Variants in MRO observed in about 807,000 individuals in gnomAD.
MRO encodes protein maestro.
In MRO, 28 loss-of-function variants were observed where a neutral mutation model predicts 31.0. That is an observed-to-expected ratio of 0.90 (90% CI 0.67 to 1.24). The LOEUF (loss-of-function observed/expected upper bound fraction) is 1.24, where lower values mean the gene tolerates loss of function less well. Ranked by LOEUF, MRO falls within the 50% of genes most tolerant of loss-of-function variation. The pLI is 0.00. For missense variants in MRO, 332 were observed against 289.2 expected, an observed-to-expected ratio of 1.15 and a Z score of -1.07; for synonymous variants, 108 against 108.4, an observed-to-expected ratio of 1.00 and a Z score of 0.02.
chr18:50,824,461 T>TTC (rs113158819), upstream of MRO, among the ~76,000 whole-genome samples: 17,632 of 147,698 alleles, frequency 0.12, 1,091 homozygotes, highest in South Asian at 0.15. Context: ...TTTTCTTTCT[T>TTC]TTTTTTTTTT....
chr18:50,799,905 T>TA lies in MRO; in HGVS notation c.693+130dup, dbSNP rs201495738. On this transcript the variant is annotated intron_variant, in intron 7 of 7. Coordinates refer to ENST00000398439, the MANE Select transcript of MRO (RefSeq NM_031939.6). The stretch of plus-strand genomic sequence containing the variant: ...GCTCTTCTCAGAAAAAAAGAAAAAA[T>TA]AAAAAAATAAACATAGTTGGCCTGA... 322 of 648,198 alleles carry TA rather than the reference T, an allele frequency of 5.0e-4. No homozygotes were observed. The East Asian group carries it at 8.1e-3, about 16-fold the overall frequency. 40.2% of individuals were successfully genotyped at this position (648,198 alleles called of 1,614,324 possible).
At chr18:50,803,913 G>A (rs564618745) in intron 5 of MRO, among the ~76,000 whole-genome samples, 2 of 152,376 alleles carry the variant, frequency 1.3e-5, no homozygotes, top group Admixed American at 6.5e-5. Context: ...ATAACTGGCA[G>A]GCTAACTTGT....
chr18:50,819,313 G>A (rs747793222), intron 2 of MRO: 71 of 503,524 alleles, frequency 1.4e-4, no homozygotes, highest in Admixed American at 2.5e-4. Context: ...CTGAGTCCCT[G>A]CCATTCTATT....
chr18:50,805,029 A>G, intron 5 of MRO, 125 bp downstream of exon 5: 1 of 669,274 alleles, frequency 1.5e-6, no homozygotes, highest in Non-Finnish European at 2.5e-6. Context: ...TGACCTCGTG[A>G]TCCCACCCGC....
At chr18:50,822,733 T>C (rs1286155937), upstream of MRO, among the ~76,000 whole-genome samples, 1 of 123,372 alleles carries the variant, frequency 8.1e-6, no homozygotes, top group African/African-American at 3.1e-5. Flanking sequence ...AAACTCTGTC[T>C]TGATTTTCAC....
chr18:50,801,398 CGT>C lies in MRO; in HGVS notation c.534_535del (p.Asp180PhefsTer39). 1 of 1,610,848 alleles carries C rather than the reference CGT, an allele frequency of 6.2e-7. No homozygotes were observed. The highest frequency in any genetic ancestry group is 8.5e-7 in the Non-Finnish European group (1 of 1,177,946). ...CTGTAAATGGATCAGGAGGGAATCT[CGT>C]GTCTGCTTAACCTGACTGGTGAAAA... On this transcript the variant is annotated frameshift_variant, in exon 6 of 8. Transcript: ENST00000398439. LOFTEE classifies it high-confidence loss of function.
At chr18:50,801,555 G>C (rs377285439) in intron 5 of MRO, 51 bp from the exon 6 acceptor site, 224 of 1,532,398 alleles carry the variant, frequency 1.5e-4, no homozygotes, top group Admixed American at 3.2e-4. Flanking sequence ...TTACCAAAAG[G>C]CAACTGCATC....
chr18:50,808,546 C>T (rs998274775), intron 3 of MRO, among the ~76,000 whole-genome samples: 3 of 150,892 alleles, frequency 2.0e-5, no homozygotes, highest in Non-Finnish European at 4.4e-5. Flanking sequence ...GCAGCCCCTA[C>T]TTCCTGGGCT....
chr18:50,806,744 A>C lies in MRO; in HGVS notation c.206T>G (p.Met69Arg), dbSNP rs146672790. ...DPSAKKRHMA[M>R]RNLGTMAYEA... ...ATAGGCCATGGTTCCCAAGTTTCTC[A>C]TTGCCATGTGACGCTTTTTAGCACT... The change falls in exon 4 of 8, where the codon ATG becomes AGG. Residue 69 changes from methionine to arginine, a missense_variant. Transcript: ENST00000398439. The C allele has an allele frequency of 1.2e-6, 2 of 1,614,020 alleles. No homozygotes were observed. The highest frequency in any genetic ancestry group is 1.7e-6 in the Non-Finnish European group (2 of 1,180,038).
chr18:50,800,968 GA>G (rs1913257308), intron 6 of MRO, among the ~76,000 whole-genome samples: 1 of 151,542 alleles, frequency 6.6e-6, no homozygotes, highest in Non-Finnish European at 1.5e-5. Context: ...GAAAAGAACA[GA>G]AAAGAAAAGA....
rs1294833629 is a variant in MRO at position 50,798,908 on chromosome 18, T to TA, written c.*428dup. ...AGCAAAGTATCAATAGCAAATACAC[T>TA]AAAAAAAAACAAAACAACAACAACA... On this transcript the variant is annotated 3_prime_UTR_variant, in exon 8 of 8. Coordinates refer to ENST00000398439, the MANE Select transcript of MRO (RefSeq NM_031939.6). 4.6e-4 allele frequency: 65 copies of TA among 139,806 alleles called. No homozygotes were observed. The highest frequency in any genetic ancestry group is 3.7e-3 in the Middle Eastern group (1 of 270). 8.7% of individuals were successfully genotyped at this position (139,806 alleles called of 1,614,324 possible). A position where few individuals can be genotyped will look rare whatever the true frequency, so the allele number is the denominator to read the frequency against.
chr18:50,806,904 T>C, intron 3 of MRO, 54 bp from the exon 4 acceptor site: 2 of 1,552,554 alleles, frequency 1.3e-6, no homozygotes, highest in South Asian at 2.3e-5. Context: ...GTCATACCAA[T>C]CCCAACCCCA....
chr18:50,810,362 C>T (rs1210433156), intron 2 of MRO, among the ~76,000 whole-genome samples: 1 of 152,154 alleles, frequency 6.6e-6, no homozygotes, highest in Non-Finnish European at 1.5e-5. Context: ...ATAATCTCCA[C>T]GATATACTGT....
At position 50,801,498 on chromosome 18, in the gene MRO, CGTT is replaced by C; in HGVS notation, c.433_435del (p.Asn145del). 1 of 1,591,176 alleles carries C rather than the reference CGTT, an allele frequency of 6.3e-7. No individual in the cohort carries two copies. The highest frequency in any genetic ancestry group is 2.2e-5 in the East Asian group (1 of 44,688). The stretch of plus-strand genomic sequence containing the variant: ...ACAAAGGCCGAGTATCTCAGACTGT[CGTT>C]CTCCTGCGGTCCCCATCAACAAAAC... On this transcript the variant is annotated inframe_deletion, in exon 6 of 8. Coordinates refer to ENST00000398439, the MANE Select transcript of MRO (RefSeq NM_031939.6).
intron 2 of MRO, among the ~76,000 whole-genome samples, chr18:50,812,138 G>T (rs1184226409): frequency 6.6e-6 from 1 of 152,106 alleles, no homozygotes; most frequent in Non-Finnish European, 1.5e-5. Context: ...ACGTATGAGG[G>T]TTCCAATTTC....
At chr18:50,806,970 C>A (rs1420911871) in intron 3 of MRO, 120 bp from the exon 4 acceptor site, 8 of 1,005,280 alleles carry the variant, frequency 8.0e-6, no homozygotes, top group Admixed American at 2.2e-5. Flanking sequence ...CCCCTTCTTT[C>A]TCCTACTAAA....
intron 2 of MRO, chr18:50,815,128 C>A: frequency 4.5e-6 from 1 of 220,234 alleles, no homozygotes; most frequent in Non-Finnish European, 9.4e-6. Context: ...AGGATTTGCT[C>A]TTGTAACTTT....
At chr18:50,818,381 C>T (rs749980450) in intron 2 of MRO, among the ~76,000 whole-genome samples, 6 of 152,136 alleles carry the variant, frequency 3.9e-5, no homozygotes, top group Non-Finnish European at 5.9e-5. Flanking sequence ...CGTTCTTCAA[C>T]GAATTCTTCT....
At chr18:50,805,845 GCCT>G in intron 4 of MRO, among the ~76,000 whole-genome samples, 1 of 152,148 alleles carries the variant, frequency 6.6e-6, no homozygotes, top group South Asian at 2.1e-4. Flanking sequence ...GGTGTCATGA[GCCT>G]AAGATGACCC....
Sources: allele counts gnomAD v4.1 joint callset (sites outside exome capture counted in the v4.1 genomes callset), GRCh38; gene constraint gnomAD v4.1.1; transcripts MANE v1.5; gene names NCBI Gene and HGNC (gene_info 2026-07-23, HGNC 2026-07-21).